LYPD6B: variants seen among roughly 807,000 people sequenced by gnomAD.
The protein encoded by LYPD6B is ly6/PLAUR domain-containing protein 6B.
LYPD6B carries 17 observed loss-of-function variants against 22.8 expected under a neutral mutation model. The observed-to-expected ratio is 0.75, with a 90% CI of 0.51 to 1.12. The LOEUF is 1.12. LYPD6B is among the 50% of genes most tolerant of loss of function. The pLI is 0.00. For synonymous variants in LYPD6B, 106 were observed against 91.6 expected, an observed-to-expected ratio of 1.16 and a Z score of -0.90; for missense variants, 221 against 258.3, an observed-to-expected ratio of 0.86 and a Z score of 0.99.
intron 1 of LYPD6B, among the ~76,000 whole-genome samples, chr2:149,041,606 G>T (rs920767104): frequency 6.6e-6 from 1 of 152,176 alleles, no homozygotes; most frequent in Non-Finnish European, 1.5e-5. Context: ...AAGTGAGACT[G>T]CCTGTTGGGC....
chr2:149,157,854 A>G (rs566539942), intron 2 of LYPD6B, among the ~76,000 whole-genome samples: 2 of 152,272 alleles, frequency 1.3e-5, no homozygotes, highest in South Asian at 4.1e-4. Context: ...ACCTGCGGGG[A>G]TAGAAACCGA....
At chr2:149,093,248 G>T (rs932537538) in intron 1 of LYPD6B, among the ~76,000 whole-genome samples, 7 of 152,170 alleles carry the variant, frequency 4.6e-5, no homozygotes, top group South Asian at 2.1e-4. Context: ...GGGATGTGTC[G>T]CATTGGTGGT....
chr2:149,075,403 A>C (rs575338120), intron 1 of LYPD6B, among the ~76,000 whole-genome samples: 2 of 152,300 alleles, frequency 1.3e-5, no homozygotes, highest in South Asian at 2.1e-4. Flanking sequence ...GGTGTTTTGC[A>C]GTGTGTATAT....
intron 1 of LYPD6B, among the ~76,000 whole-genome samples, chr2:149,059,987 T>C (rs1683999564): frequency 6.6e-6 from 1 of 151,402 alleles, no homozygotes; most frequent in Admixed American, 6.6e-5. Flanking sequence ...AGGCTCAGCA[T>C]GGTCGGAGCA....
At chr2:149,198,447 T>TG (rs1692958540) in intron 3 of LYPD6B, among the ~76,000 whole-genome samples, 1 of 152,204 alleles carries the variant, frequency 6.6e-6, no homozygotes, top group Non-Finnish European at 1.5e-5. Flanking sequence ...GAAATGTAGT[T>TG]GAAGAGCTGT....
At chr2:149,144,470 T>C (rs1575057358) in intron 2 of LYPD6B, among the ~76,000 whole-genome samples, 1 of 152,256 alleles carries the variant, frequency 6.6e-6, no homozygotes, top group African/African-American at 2.4e-5. Context: ...TGGCTCACTG[T>C]ACTTTCCACC....
At chr2:149,092,269 G>C (rs1685691175) in intron 1 of LYPD6B, among the ~76,000 whole-genome samples, 1 of 152,044 alleles carries the variant, frequency 6.6e-6, no homozygotes, top group Admixed American at 6.6e-5. Flanking sequence ...AGCTGGAGGG[G>C]AAGTGGAAGT....
chr2:149,080,482 T>G (rs931195588), intron 1 of LYPD6B, among the ~76,000 whole-genome samples: 3 of 152,164 alleles, frequency 2.0e-5, no homozygotes, highest in Non-Finnish European at 4.4e-5. Context: ...CACATAGAAT[T>G]GGGAGGTCTG....
intron 2 of LYPD6B, among the ~76,000 whole-genome samples, chr2:149,133,623 C>A (rs182666916): frequency 1.9e-3 from 292 of 152,214 alleles, no homozygotes; most frequent in Non-Finnish European, 3.8e-3. Context: ...AAGGTATAAT[C>A]CTAGATGTAT....
intron 2 of LYPD6B, among the ~76,000 whole-genome samples, chr2:149,139,427 G>A (rs1024247873): frequency 2.6e-5 from 4 of 152,146 alleles, no homozygotes; most frequent in African/African-American, 7.2e-5. Context: ...CGCTTCATTA[G>A]GTTGACACTC....
At chr2:149,079,379 G>A (rs1685021274) in intron 1 of LYPD6B, among the ~76,000 whole-genome samples, 1 of 152,160 alleles carries the variant, frequency 6.6e-6, no homozygotes, top group Admixed American at 6.5e-5. Flanking sequence ...ATAATAACCA[G>A]AGATCAATTC....
rs1043899836 is a variant in LYPD6B at position 149,183,306 on chromosome 2, C to T, written c.78-21947C>T. 2.0e-5 allele frequency among the ~76,000 whole-genome samples: 3 copies of T among 152,116 alleles called. No individual in the cohort carries two copies. In the East Asian group the frequency reaches 5.8e-4, roughly 29 times the overall value. Reference sequence around the variant, plus strand: ...ATTGCCCAATTCCTAGTTTAGGGTGCGTAGACTGAGCCTCAGCAAGATACC... The same window carrying T: ...ATTGCCCAATTCCTAGTTTAGGGTGTGTAGACTGAGCCTCAGCAAGATACC... On this transcript the variant is annotated intron_variant, in intron 3 of 6. Transcript: ENST00000409642.
At chr2:149,041,765 A>G (rs532861596) in intron 1 of LYPD6B, among the ~76,000 whole-genome samples, 2 of 152,314 alleles carry the variant, frequency 1.3e-5, no homozygotes, top group African/African-American at 4.8e-5. Context: ...AAAAGTAAGT[A>G]AAGACAGGAC....
At chr2:149,210,839 T>C (rs150103831) in intron 5 of LYPD6B, among the ~76,000 whole-genome samples, 5 of 152,330 alleles carry the variant, frequency 3.3e-5, no homozygotes, top group Middle Eastern at 3.4e-3. Context: ...CTTTTGAATC[T>C]GGAAGTCAGC....
At chr2:149,136,488 G>A (rs1192859270) in intron 2 of LYPD6B, among the ~76,000 whole-genome samples, 2 of 152,180 alleles carry the variant, frequency 1.3e-5, no homozygotes, top group Non-Finnish European at 2.9e-5. Context: ...ATGGCAGTGG[G>A]TCACCAGCCA....
chr2:149,120,327 A>G (rs1297667254), intron 1 of LYPD6B, among the ~76,000 whole-genome samples: 215 of 118,722 alleles, frequency 1.8e-3, no homozygotes, highest in African/African-American at 6.2e-3. Flanking sequence ...ATATATGTGT[A>G]TATATATATG....
At chr2:149,104,487 T>A (rs536102395) in intron 1 of LYPD6B, among the ~76,000 whole-genome samples, 77 of 152,344 alleles carry the variant, frequency 5.1e-4, no homozygotes, top group African/African-American at 1.8e-3. Context: ...TGAGTAATGA[T>A]GTTAATCATT....
chr2:149,161,289 T>C (rs1046439747), intron 3 of LYPD6B, among the ~76,000 whole-genome samples: 8 of 152,222 alleles, frequency 5.3e-5, no homozygotes, highest in Non-Finnish European at 1.2e-4. Context: ...ACAGAATCTT[T>C]GCATGTTAAG....
At chr2:149,131,379 G>T (rs1437386846) in intron 2 of LYPD6B, 1 of 161,920 alleles carries the variant, frequency 6.2e-6, no homozygotes, top group African/African-American at 2.4e-5. Flanking sequence ...TTTTCCTATG[G>T]ATTGCCAATA....
Sources: gnomAD v4.1 joint callset for allele counts (sites outside exome capture counted in the v4.1 genomes callset) on GRCh38, gnomAD v4.1.1 for gene constraint, MANE v1.5 for transcripts, NCBI Gene and HGNC (gene_info 2026-07-23, HGNC 2026-07-21) for gene names.